The following CTNNA2 variants were observed in gnomAD, a reference collection of about 807,000 sequenced individuals.
CTNNA2 encodes catenin alpha-2.
A neutral mutation model predicts 101.0 loss-of-function variants in CTNNA2; 42 were observed. That is an observed-to-expected ratio of 0.42 (90% CI 0.32 to 0.54). The LOEUF is 0.54. CTNNA2 is among the 20% of genes least tolerant of loss of function. The pLI, the probability that CTNNA2 is intolerant of heterozygous loss-of-function variation, is 0.14. For synonymous variants in CTNNA2, 450 were observed against 456.4 expected (o/e 0.99, Z 0.18); for missense variants, 871 against 1,223.1 (o/e 0.71, Z 4.29).
intron 1 of CTNNA2, among the ~76,000 whole-genome samples, chr2:79,591,747 G>T (rs1038716828): frequency 6.6e-6 from 1 of 152,126 alleles, no homozygotes; most frequent in African/African-American, 2.4e-5. Context: ...AAGAGAGAGC[G>T]AGAAATGGGG....
chr2:79,406,753 C>A (rs17017045), intron 4 of CTNNA2, among the ~76,000 whole-genome samples: 38,462 of 151,788 alleles, frequency 0.25, 5,124 homozygotes, highest in South Asian at 0.44. Flanking sequence ...AGGAAAAAAT[C>A]TTGGGGCTAT....
chr2:80,148,524 A>G (rs1367394827), intron 7 of CTNNA2, among the ~76,000 whole-genome samples: 1 of 152,240 alleles, frequency 6.6e-6, no homozygotes, highest in Non-Finnish European at 1.5e-5. Context: ...AATGCACCCG[A>G]GAGAGCAGAG....
At chr2:80,588,569 T>G (rs1197333797) in intron 14 of CTNNA2, among the ~76,000 whole-genome samples, 2 of 152,188 alleles carry the variant, frequency 1.3e-5, no homozygotes, top group African/African-American at 4.8e-5. Context: ...ATAAGAAGAC[T>G]GCAGTTCTCC....
chr2:79,471,643 C>G (rs918548549), intron 4 of CTNNA2, among the ~76,000 whole-genome samples: 1 of 152,066 alleles, frequency 6.6e-6, no homozygotes, highest in Admixed American at 6.6e-5. Context: ...TCGAGACCAT[C>G]CTGGCTAACA....
In CTNNA2 at chr2:79,874,292, A is replaced by G; in HGVS notation, c.802A>G (p.Lys268Glu). Residue 268 changes from lysine to glutamate, a missense_variant, in exon 6 of 19, where the codon AAG becomes GAG. Around this residue, in one of 5 missense-constraint regions of CTNNA2, gnomAD observed 647 missense variants for 831.5 expected, o/e 0.78. Coordinates refer to ENST00000402739, the MANE Select transcript of CTNNA2 (RefSeq NM_001282597.3). ...AGCTACCTCGCCCACTGACGAAGCC[A>G]AGGGCCACACGGGCATCGGCGAGCT... Reference protein sequence around the residue: ...AQATSPTDEAKGHTGIGELAA... With the variant: ...AQATSPTDEAEGHTGIGELAA... 1 of 1,614,092 alleles carries G rather than the reference A, an allele frequency of 6.2e-7. No individual in the cohort carries two copies. The highest frequency in any genetic ancestry group is 1.1e-5 in the South Asian group (1 of 91,078).
intron 4 of CTNNA2, among the ~76,000 whole-genome samples, chr2:79,462,412 G>A (rs931101466): frequency 6.6e-6 from 1 of 152,206 alleles, no homozygotes; most frequent in Non-Finnish European, 1.5e-5. Context: ...TCCAGGAACA[G>A]CTGATATGGT....
intron 2 of CTNNA2, among the ~76,000 whole-genome samples, chr2:79,738,443 A>G (rs1165878735): frequency 6.6e-6 from 1 of 152,178 alleles, no homozygotes; most frequent in Non-Finnish European, 1.5e-5. Flanking sequence ...AGCTAATACA[A>G]CAGTTCTGGA....
At chr2:79,561,433 G>T (rs1674774153) in intron 1 of CTNNA2, among the ~76,000 whole-genome samples, 1 of 151,808 alleles carries the variant, frequency 6.6e-6, no homozygotes. Context: ...ATTTCTCTTG[G>T]TATGTATAGT....
intron 4 of CTNNA2, among the ~76,000 whole-genome samples, chr2:79,496,928 T>A (rs1558681766): frequency 6.6e-6 from 1 of 152,182 alleles, no homozygotes; most frequent in Non-Finnish European, 1.5e-5. Context: ...GAGAAATATT[T>A]GTTCCTAAAA....
intron 7 of CTNNA2, among the ~76,000 whole-genome samples, chr2:80,159,966 C>T (rs1704213751): frequency 6.6e-6 from 1 of 151,836 alleles, no homozygotes; most frequent in Non-Finnish European, 1.5e-5. Flanking sequence ...TTCCATTTTG[C>T]ATTTGAGCTG....
At chr2:80,267,549 G>A (rs1017061242) in intron 7 of CTNNA2, among the ~76,000 whole-genome samples, 6 of 152,156 alleles carry the variant, frequency 3.9e-5, no homozygotes, top group African/African-American at 1.2e-4. Flanking sequence ...TCCAGTCTGG[G>A]AGGGAAACAG....
chr2:80,534,384 TC>T (rs1690810791), intron 9 of CTNNA2, among the ~76,000 whole-genome samples: 1 of 152,192 alleles, frequency 6.6e-6, no homozygotes, highest in Non-Finnish European at 1.5e-5. Flanking sequence ...AAGTTATACT[TC>T]CTCCTAATTC....
At chr2:80,136,452 C>G (rs1473314151) in intron 7 of CTNNA2, among the ~76,000 whole-genome samples, 1 of 152,084 alleles carries the variant, frequency 6.6e-6, no homozygotes, top group East Asian at 1.9e-4. Context: ...GTCAATGTAC[C>G]CTGCTTGGAC....
chr2:80,220,367 A>G (rs777326616), intron 7 of CTNNA2, among the ~76,000 whole-genome samples: 6 of 152,194 alleles, frequency 3.9e-5, no homozygotes, highest in Admixed American at 6.5e-5. Flanking sequence ...TATGGCATCC[A>G]CGTTTTTTCC....
At chr2:79,315,309 T>C (rs1676469403) in intron 3 of CTNNA2, among the ~76,000 whole-genome samples, 1 of 152,210 alleles carries the variant, frequency 6.6e-6, no homozygotes, top group Admixed American at 6.5e-5. Flanking sequence ...AGTTTCCATA[T>C]AGTTACAGAG....
At chr2:80,180,741 A>G (rs1241553207) in intron 7 of CTNNA2, among the ~76,000 whole-genome samples, 1 of 152,194 alleles carries the variant, frequency 6.6e-6, no homozygotes, top group South Asian at 2.1e-4. Context: ...GAGTAAGTCT[A>G]AATTGACTCG....
intron 7 of CTNNA2, among the ~76,000 whole-genome samples, chr2:80,102,277 T>G (rs2148844344): frequency 6.6e-6 from 1 of 152,340 alleles, no homozygotes; most frequent in African/African-American, 2.4e-5. Context: ...TGACTCATGT[T>G]GACAGTAGCC....
At chr2:79,754,030 G>A (rs1161244817) in intron 3 of CTNNA2, among the ~76,000 whole-genome samples, 1 of 151,704 alleles carries the variant, frequency 6.6e-6, no homozygotes, top group Non-Finnish European at 1.5e-5. Flanking sequence ...TACCATGCCT[G>A]GCTAATTTTT....
chr2:79,873,410 C>T (rs1046917687), intron 5 of CTNNA2, among the ~76,000 whole-genome samples: 4 of 151,828 alleles, frequency 2.6e-5, no homozygotes, highest in Non-Finnish European at 4.4e-5. Flanking sequence ...ATTAGAGGTA[C>T]GTTATAGAAG....
Sources: allele counts gnomAD v4.1 joint callset (sites outside exome capture counted in the v4.1 genomes callset), GRCh38; gene constraint gnomAD v4.1.1; regional missense constraint gnomAD v4.1.1; transcripts MANE v1.5; gene names NCBI Gene and HGNC (gene_info 2026-07-23, HGNC 2026-07-21).